Variants in CA14 observed in about 807,000 individuals in gnomAD.
CA14 encodes carbonic anhydrase 14, also known as CA-XIV.
CA14 carries 44 observed loss-of-function variants against 48.8 expected under a neutral mutation model. That is an observed-to-expected ratio of 0.90 (90% CI 0.71 to 1.16). CA14 has a LOEUF of 1.16. CA14 is among the 50% of genes most tolerant of loss of function. The pLI is 0.00. For synonymous variants in CA14, 154 were observed against 155.0 expected (o/e 0.99, Z 0.05); for missense variants, 386 against 401.0 (o/e 0.96, Z 0.32).
In CA14 at chr1:150,262,119, C is replaced by T. The variant is rs1651087926; in HGVS notation, c.257-39C>T. On this transcript the variant is annotated intron_variant, in intron 3 of 10. Transcript: ENST00000369111. ...CAACCCAGGAGTGGGAATGTATCCACATGCCTCCACCAATCCGAGTTTGCT... is the reference window on the plus strand; with the variant it reads ...CAACCCAGGAGTGGGAATGTATCCATATGCCTCCACCAATCCGAGTTTGCT... The T allele has an allele frequency of 3.1e-6, 5 of 1,613,280 alleles. No individual in the cohort carries two copies. In the South Asian group the frequency reaches 5.5e-5, roughly 18 times the overall value.
chr1:150,257,830 T>A lies in CA14; in HGVS notation c.-299T>A. The A allele has an allele frequency of 4.9e-6, 1 of 205,682 alleles. No individual in the cohort carries two copies. Among genetic ancestry groups the A allele is most frequent in the East Asian group, 1.1e-4 (1 of 9,076 alleles). The allele number at this position is 205,682 out of a possible 1,614,324, so 12.7% of individuals were successfully genotyped here. On this transcript the variant is annotated 5_prime_UTR_variant, in exon 1 of 11. Transcript: ENST00000369111. ...AGCCACCTTAAAAGCAGGAGGCAGTTGTAAAGTCGCTGGCCAGCTAGTGGA... is the reference window on the plus strand; with the variant it reads ...AGCCACCTTAAAAGCAGGAGGCAGTAGTAAAGTCGCTGGCCAGCTAGTGGA...
chr1:150,261,499 G>A lies in CA14; in HGVS notation c.117G>A (p.Glu39=), dbSNP rs1214234239. 5 of 1,614,200 alleles carry A rather than the reference G, an allele frequency of 3.1e-6. No homozygotes were observed. Among genetic ancestry groups the A allele is most frequent in the Non-Finnish European group, 4.2e-6 (5 of 1,180,036 alleles). ...GQDHWPASYP[E]CGNNAQSPID... ...ACCATTGGCCAGCCTCTTACCCTGA[G>A]TGTGGAAACAATGCCCAGTCGCCCA... The change falls in exon 3 of 11, where the codon GAG becomes GAA. Residue 39 remains glutamate (E), a synonymous_variant. Coordinates refer to ENST00000369111, the MANE Select transcript of CA14 (RefSeq NM_012113.3).
chr1:150,262,895 G>C, intron 6 of CA14, 25 bp downstream of exon 6: 1 of 1,596,708 alleles, frequency 6.3e-7, no homozygotes. Flanking sequence ...TCTATAGCAG[G>C]AAGTAAGATT....
intron 5 of CA14, 64 bp downstream of exon 5, chr1:150,262,684 C>T (rs1651163013): frequency 7.0e-7 from 1 of 1,427,368 alleles, no homozygotes. Flanking sequence ...AAACCTATTT[C>T]TGTTGCTGGC....
chr1:150,263,259 C>T, intron 7 of CA14, 40 bp from the exon 8 acceptor site: 1 of 1,613,674 alleles, frequency 6.2e-7, no homozygotes, highest in Non-Finnish European at 8.5e-7. Flanking sequence ...CCCCTTCCCA[C>T]TCCCCAAAGT....
intron 3 of CA14, 51 bp downstream of exon 3, chr1:150,261,689 G>A (rs1364451865): frequency 7.1e-6 from 11 of 1,547,728 alleles, no homozygotes; most frequent in South Asian, 1.2e-5. Flanking sequence ...GATCTTAGGA[G>A]TCAGATCCTT....
chr1:150,264,002 T>C, intron 10 of CA14, 124 bp downstream of exon 10: 2 of 711,210 alleles, frequency 2.8e-6, no homozygotes, highest in South Asian at 3.6e-5. Flanking sequence ...CTCAGCTCAC[T>C]GCAACCTCTG....
intron 2 of CA14, chr1:150,260,863 G>A (rs895333010): frequency 2.0e-5 from 3 of 148,094 alleles, no homozygotes; most frequent in Non-Finnish European, 4.4e-5. Context: ...GGGTTTAAGT[G>A]ATTCTCCTGC....
chr1:150,258,898 T>C (rs1650765747), intron 1 of CA14, among the ~76,000 whole-genome samples: 2 of 151,862 alleles, frequency 1.3e-5, no homozygotes, highest in South Asian at 4.2e-4. Flanking sequence ...CTGAGGTTTG[T>C]GGAAAGAGCA....
chr1:150,263,316 G>A lies in CA14; in HGVS notation c.738G>A (p.Gly246=), dbSNP rs377358154. Residue 246 remains glycine, a synonymous_variant, in exon 8 of 11, where the codon GGG becomes GGA. Coordinates refer to ENST00000369111, the MANE Select transcript of CA14 (RefSeq NM_012113.3). ...ISMEQLEKLQ[G]TLFSTEEEPS... Reference sequence around the variant, plus strand: ...CTCCTCAGCTGGAAAAGCTTCAGGGGACATTGTTCTCCACAGAAGAGGAGC... The same window carrying A: ...CTCCTCAGCTGGAAAAGCTTCAGGGAACATTGTTCTCCACAGAAGAGGAGC... 4.3e-6 allele frequency: 7 copies of A among 1,614,064 alleles called. No homozygotes were observed. The African/African-American group carries it at 5.3e-5, about 12-fold the overall frequency.
chr1:150,264,977 T>G lies in CA14; in HGVS notation c.*318T>G. On this transcript the variant is annotated 3_prime_UTR_variant, in exon 11 of 11. Transcript: ENST00000369111. The stretch of plus-strand genomic sequence containing the variant: ...TCTACCCCCTCACTTTTATGGCCCT[T>G]TCCCTAGATATACTGCGGGATCTCT... 1 of 213,246 alleles carries G rather than the reference T, an allele frequency of 4.7e-6. No individual in the cohort carries two copies. The highest frequency in any genetic ancestry group is 1.0e-4 in the East Asian group (1 of 9,820). The allele number at this position is 213,246 out of a possible 1,614,324, so 13.2% of individuals were successfully genotyped here. A position where few individuals can be genotyped will look rare whatever the true frequency, so the allele number is the denominator to read the frequency against.
At chr1:150,263,594 G>A (rs1040704135) in intron 8 of CA14, 65 bp from the exon 9 acceptor site, 13 of 1,612,124 alleles carry the variant, frequency 8.1e-6, no homozygotes, top group Non-Finnish European at 9.3e-6. Context: ...CACAGCAGCA[G>A]AGAGTGCTGC....
At chr1:150,261,760 A>G (rs2101832693) in intron 3 of CA14, 122 bp downstream of exon 3, 1 of 855,998 alleles carries the variant, frequency 1.2e-6, no homozygotes, top group Non-Finnish European at 1.8e-6. Context: ...TGCCGCCCTC[A>G]AATCTTGTCA....
intron 10 of CA14, among the ~76,000 whole-genome samples, chr1:150,264,129 T>C (rs1213603412): frequency 6.6e-6 from 1 of 152,196 alleles, no homozygotes; most frequent in Admixed American, 6.5e-5. Flanking sequence ...TTTCACCATA[T>C]TGGCCAGGCT....
intron 2 of CA14, 122 bp downstream of exon 2, chr1:150,260,293 C>A: frequency 1.1e-6 from 1 of 917,394 alleles, no homozygotes; most frequent in East Asian, 2.5e-5. Context: ...CTCCTCCCTT[C>A]TGGATCTCCT....
Position 150,262,138 on chromosome 1 carries a change from G to A in CA14, c.257-20G>A, listed in dbSNP as rs782415206. 3.1e-6 allele frequency: 5 copies of A among 1,613,964 alleles called. No homozygotes were observed. In the African/African-American group the frequency reaches 5.3e-5, roughly 17 times the overall value. ...TATCCACATGCCTCCACCAATCCGA[G>A]TTTGCTCTTTTCCTCACAGTGCAAC... On this transcript the variant is annotated intron_variant, in intron 3 of 10. Transcript: ENST00000369111.
chr1:150,258,949 G>C (rs1650770109), intron 1 of CA14, among the ~76,000 whole-genome samples: 2 of 152,076 alleles, frequency 1.3e-5, no homozygotes, highest in Non-Finnish European at 2.9e-5. Flanking sequence ...CAAATGCAGA[G>C]AGGATGGGGG....
intron 1 of CA14, among the ~76,000 whole-genome samples, 187 bp downstream of exon 1, chr1:150,258,370 T>C (rs1432268302): frequency 1.3e-5 from 2 of 152,286 alleles, no homozygotes; most frequent in East Asian, 1.9e-4. Flanking sequence ...CTCTCCAGCC[T>C]TGTTGTTATT....
intron 8 of CA14, 63 bp downstream of exon 8, chr1:150,263,482 A>G (rs1346648882): frequency 4.4e-6 from 7 of 1,607,622 alleles, no homozygotes; most frequent in Non-Finnish European, 8.5e-7. Context: ...GGAACTAGGG[A>G]GCCAATGGGA....
Sources: allele counts gnomAD v4.1 joint callset (sites outside exome capture counted in the v4.1 genomes callset), GRCh38; gene constraint gnomAD v4.1.1; transcripts MANE v1.5; gene names NCBI Gene and HGNC (gene_info 2026-07-23, HGNC 2026-07-21).